Variants in NELL1 observed in about 807,000 individuals in gnomAD.
NELL1 encodes protein kinase C-binding protein NELL1.
A neutral mutation model predicts 107.4 loss-of-function variants in NELL1; 76 were observed. The ratio of observed to expected loss-of-function variants is 0.71; its 90% CI spans 0.59 to 0.86. The LOEUF (loss-of-function observed/expected upper bound fraction) is 0.86. Ranked by LOEUF, NELL1 falls within the 40% of genes least tolerant of loss-of-function variation. The probability of loss-of-function intolerance (pLI) is 0.00; values close to 1 mark genes in which losing one functional copy is unlikely to be tolerated. For synonymous variants in NELL1, 353 were observed against 341.2 expected (o/e 1.03, Z -0.38); for missense variants, 1,024 against 1,005.5 (o/e 1.02, Z -0.25).
At chr11:21,560,005 A>C (rs1856810973) in intron 16 of NELL1, among the ~76,000 whole-genome samples, 184 bp from the exon 17 acceptor site, 1 of 152,152 alleles carries the variant, frequency 6.6e-6, no homozygotes. Context: ...GAATAAGGAC[A>C]GATCTCCCAC....
intron 13 of NELL1, among the ~76,000 whole-genome samples, chr11:21,181,520 A>G (rs1247648358): frequency 1.3e-5 from 2 of 152,042 alleles, no homozygotes; most frequent in East Asian, 3.9e-4. Flanking sequence ...TCCCATTTCA[A>G]CTGCAAAGCT....
intron 12 of NELL1, among the ~76,000 whole-genome samples, chr11:20,965,655 A>G (rs1051294826): frequency 1.3e-5 from 2 of 152,232 alleles, no homozygotes; most frequent in Admixed American, 6.5e-5. Context: ...TGAATTTAGT[A>G]ATTTCATGTA....
chr11:20,978,530 G>C (rs1464063333), intron 12 of NELL1, among the ~76,000 whole-genome samples: 2 of 152,120 alleles, frequency 1.3e-5, no homozygotes, highest in Non-Finnish European at 2.9e-5. Flanking sequence ...GGTCCTGAGG[G>C]AACATAATTT....
intron 12 of NELL1, among the ~76,000 whole-genome samples, chr11:21,085,723 G>A (rs1009934673): frequency 2.0e-5 from 3 of 152,180 alleles, no homozygotes; most frequent in Admixed American, 6.5e-5. Flanking sequence ...TCAAAGAACA[G>A]ATAGAAATTT....
chr11:20,720,202 G>GTTTTTT (rs72275946), intron 2 of NELL1, among the ~76,000 whole-genome samples: 7 of 141,060 alleles, frequency 5.0e-5, no homozygotes, highest in Non-Finnish European at 7.5e-5. Flanking sequence ...GTTCATTCCT[G>GTTTTTT]TTTTTTTTTT....
intron 15 of NELL1, among the ~76,000 whole-genome samples, chr11:21,394,040 A>T (rs971060302): frequency 6.6e-6 from 1 of 151,650 alleles, no homozygotes; most frequent in African/African-American, 2.4e-5. Flanking sequence ...AACGGAAATC[A>T]GATATACGCA....
intron 2 of NELL1, among the ~76,000 whole-genome samples, chr11:20,694,325 C>T (rs2133871046): frequency 6.6e-6 from 1 of 152,194 alleles, no homozygotes; most frequent in African/African-American, 2.4e-5. Context: ...AGGTACTAGC[C>T]ATAAATTCTT....
chr11:20,814,871 C>T (rs1444318646), intron 3 of NELL1, among the ~76,000 whole-genome samples: 8 of 152,244 alleles, frequency 5.3e-5, no homozygotes, highest in African/African-American at 9.6e-5. Context: ...TTTGAGAAAT[C>T]GCCAAACTGC....
At chr11:21,329,923 C>T (rs1850233626) in intron 14 of NELL1, among the ~76,000 whole-genome samples, 1 of 152,062 alleles carries the variant, frequency 6.6e-6, no homozygotes, top group Non-Finnish European at 1.5e-5. Context: ...ATGTTATAAA[C>T]CCAATAATGA....
At chr11:20,767,698 G>T (rs1018482497) in intron 2 of NELL1, among the ~76,000 whole-genome samples, 2 of 151,778 alleles carry the variant, frequency 1.3e-5, no homozygotes, top group Non-Finnish European at 2.9e-5. Flanking sequence ...GTACAGTGAA[G>T]AGGGAACCAG....
intron 14 of NELL1, among the ~76,000 whole-genome samples, chr11:21,265,916 C>A (rs1848624544): frequency 6.6e-6 from 1 of 151,986 alleles, no homozygotes; most frequent in Non-Finnish European, 1.5e-5. Flanking sequence ...AATTTACTTT[C>A]CCTATTTTTT....
intron 4 of NELL1, among the ~76,000 whole-genome samples, chr11:20,878,228 C>T (rs532244500): frequency 2.6e-5 from 4 of 151,720 alleles, no homozygotes; most frequent in East Asian, 1.9e-4. Context: ...GGCATGGTGG[C>T]GGGTGCCTGT....
chr11:21,385,643 TCCGGCATTGCAG>T (rs1218593263), intron 15 of NELL1, among the ~76,000 whole-genome samples: 1 of 151,956 alleles, frequency 6.6e-6, no homozygotes, highest in Non-Finnish European at 1.5e-5. Context: ...GAAATGTTCT[TCCGGCATTGCAG>T]CCGGTATAAT....
chr11:20,678,096 TTGGGGAGGAGGGTCTGTC>T, intron 2 of NELL1, 36 bp downstream of exon 2: 1 of 1,612,732 alleles, frequency 6.2e-7, no homozygotes, highest in East Asian at 2.2e-5. Flanking sequence ...GTGGCAGAGG[TTGGGGAGGAGGGTCTGTC>T]TGGGGAGTGC....
At chr11:21,095,821 G>T (rs193073720) in intron 12 of NELL1, among the ~76,000 whole-genome samples, 1 of 152,212 alleles carries the variant, frequency 6.6e-6, no homozygotes, top group East Asian at 1.9e-4. Context: ...TGTTGGTCAG[G>T]CTGGTCTTGA....
intron 12 of NELL1, among the ~76,000 whole-genome samples, chr11:20,967,700 G>T (rs1851414123): frequency 6.6e-6 from 1 of 152,002 alleles, no homozygotes; most frequent in African/African-American, 2.4e-5. Flanking sequence ...TTATCTTTTG[G>T]CTAGTGATCC....
chr11:21,248,269 C>G (rs1858545226), intron 14 of NELL1, among the ~76,000 whole-genome samples: 1 of 151,732 alleles, frequency 6.6e-6, no homozygotes, highest in African/African-American at 2.4e-5. Flanking sequence ...TTGCTTAAGC[C>G]CAGGATGTCG....
chr11:21,489,503 T>C (rs1313790756), intron 15 of NELL1, among the ~76,000 whole-genome samples: 1 of 147,006 alleles, frequency 6.8e-6, no homozygotes, highest in African/African-American at 2.5e-5. Flanking sequence ...AAGAAAACTA[T>C]AGGCCAATAT....
intron 17 of NELL1, among the ~76,000 whole-genome samples, chr11:21,561,669 T>C (rs976030139): frequency 5.9e-5 from 9 of 152,064 alleles, no homozygotes; most frequent in Admixed American, 2.0e-4. Context: ...TACGATGATA[T>C]TTATTGGTAT....
Sources: allele counts gnomAD v4.1 joint callset (sites outside exome capture counted in the v4.1 genomes callset), GRCh38; gene constraint gnomAD v4.1.1; transcripts MANE v1.5; gene names NCBI Gene and HGNC (gene_info 2026-07-23, HGNC 2026-07-21).